ZCCHC7: variants seen among roughly 807,000 people sequenced by gnomAD.
ZCCHC7 encodes zinc finger CCHC domain-containing protein 7.
ZCCHC7 carries 35 observed loss-of-function variants against 52.0 expected under a neutral mutation model. The observed-to-expected ratio is 0.67, with a 90% CI of 0.51 to 0.89. The LOEUF (loss-of-function observed/expected upper bound fraction) is 0.89. Ranked by LOEUF, ZCCHC7 falls within the 40% of genes least tolerant of loss-of-function variation. ZCCHC7 has a pLI of 0.00. For synonymous variants in ZCCHC7, 217 were observed against 221.5 expected (o/e 0.98, Z 0.18); for missense variants, 574 against 649.1 (o/e 0.88, Z 1.26).
intron 2 of ZCCHC7, among the ~76,000 whole-genome samples, chr9:37,203,615 T>C (rs1417424104): frequency 6.6e-6 from 1 of 152,230 alleles, no homozygotes. Context: ...GCTTCATCCA[T>C]GTTCCTGCAG....
intron 2 of ZCCHC7, among the ~76,000 whole-genome samples, chr9:37,142,187 G>A (rs1442300368): frequency 1.3e-5 from 2 of 151,534 alleles, no homozygotes; most frequent in Non-Finnish European, 1.5e-5. Flanking sequence ...TCCTAATCAG[G>A]AAAAATGATG....
At chr9:37,159,169 A>G (rs1820964982) in intron 2 of ZCCHC7, among the ~76,000 whole-genome samples, 2 of 152,230 alleles carry the variant, frequency 1.3e-5, no homozygotes, top group Non-Finnish European at 1.5e-5. Flanking sequence ...ACAGATTTTC[A>G]GTTGCTGTTA....
At chr9:37,214,002 A>ATG (rs148278811) in intron 2 of ZCCHC7, among the ~76,000 whole-genome samples, 1,824 of 149,830 alleles carry the variant, frequency 0.012, 15 homozygotes, top group African/African-American at 0.021. Context: ...AATGGTGTGT[A>ATG]TGTGTGTGTG....
intron 2 of ZCCHC7, among the ~76,000 whole-genome samples, chr9:37,189,612 T>C (rs1822913305): frequency 6.6e-6 from 1 of 152,208 alleles, no homozygotes; most frequent in South Asian, 2.1e-4. Context: ...GGTCTCGAAC[T>C]CCTGACCTCA....
At chr9:37,162,788 C>G (rs1361300437) in intron 2 of ZCCHC7, among the ~76,000 whole-genome samples, 30 of 152,124 alleles carry the variant, frequency 2.0e-4, no homozygotes. Flanking sequence ...AACAACAGTT[C>G]CAGGCCAGGT....
chr9:37,140,530 A>C (rs938601850), intron 2 of ZCCHC7, among the ~76,000 whole-genome samples: 5 of 151,988 alleles, frequency 3.3e-5, no homozygotes, highest in Non-Finnish European at 7.4e-5. Flanking sequence ...AGTGGTAGAG[A>C]TCCATCAGGT....
At chr9:37,154,902 T>C (rs1488329815) in intron 2 of ZCCHC7, among the ~76,000 whole-genome samples, 1 of 152,216 alleles carries the variant, frequency 6.6e-6, no homozygotes, top group African/African-American at 2.4e-5. Flanking sequence ...CTTCTTCAGA[T>C]TTTTATTAAA....
intron 2 of ZCCHC7, among the ~76,000 whole-genome samples, chr9:37,256,181 A>T (rs764306105): frequency 6.6e-6 from 1 of 152,154 alleles, no homozygotes; most frequent in Non-Finnish European, 1.5e-5. Context: ...AAATTATGAT[A>T]GGTCATGGAT....
chr9:37,228,048 C>T (rs1008550946), intron 2 of ZCCHC7, among the ~76,000 whole-genome samples: 10 of 152,150 alleles, frequency 6.6e-5, no homozygotes, highest in African/African-American at 2.2e-4. Flanking sequence ...CCACCTGCGT[C>T]GGACTCTCAA....
chr9:37,265,311 G>T (rs988262715), intron 2 of ZCCHC7, among the ~76,000 whole-genome samples: 14 of 152,104 alleles, frequency 9.2e-5, no homozygotes, highest in Non-Finnish European at 1.9e-4. Context: ...AGGATGAAAG[G>T]TATTCTTTAC....
Position 37,146,682 on chromosome 9 carries a change from A to C in ZCCHC7, c.610+19740A>C, listed in dbSNP as rs1225188130. 2.6e-5 allele frequency among the ~76,000 whole-genome samples: 4 copies of C among 151,884 alleles called. No individual in the cohort carries two copies. The East Asian group carries it at 7.7e-4, about 29-fold the overall frequency. On this transcript the variant is annotated intron_variant, in intron 2 of 8. Coordinates refer to ENST00000336755, the MANE Select transcript of ZCCHC7 (RefSeq NM_032226.3). ...GAGAATAATGCAGTTTTTGCTGCTC[A>C]ACATTTTCTCAAGCTCTTTGGAAAA...
intron 2 of ZCCHC7, among the ~76,000 whole-genome samples, chr9:37,301,604 A>G (rs1475322458): frequency 1.3e-5 from 2 of 152,180 alleles, no homozygotes; most frequent in African/African-American, 4.8e-5. Context: ...TGTCTCCAAA[A>G]AAAACAAGAA....
chr9:37,273,918 A>G (rs1348756918), intron 2 of ZCCHC7, among the ~76,000 whole-genome samples: 1 of 152,056 alleles, frequency 6.6e-6, no homozygotes. Flanking sequence ...TTTCCTCCCA[A>G]CCTGTGGCTT....
intron 2 of ZCCHC7, among the ~76,000 whole-genome samples, chr9:37,290,174 T>A (rs1026458683): frequency 6.6e-6 from 1 of 152,246 alleles, no homozygotes; most frequent in East Asian, 1.9e-4. Flanking sequence ...CATTGATATG[T>A]ATATCCCAAG....
chr9:37,272,358 T>C lies in ZCCHC7; in HGVS notation c.611-29830T>C, dbSNP rs541096981. On this transcript the variant is annotated intron_variant, in intron 2 of 8. Coordinates refer to ENST00000336755, the MANE Select transcript of ZCCHC7 (RefSeq NM_032226.3). ...TAAAGTGTGTTGAATTTAATGTTTA[T>C]TATTCCTATGAGTTGGGGAATTGGT... Among the ~76,000 whole-genome samples, 6 of 152,268 alleles carry C rather than the reference T, an allele frequency of 3.9e-5. No individual in the cohort carries two copies. In the South Asian group the frequency reaches 1.0e-3, roughly 26 times the overall value.
intron 5 of ZCCHC7, among the ~76,000 whole-genome samples, chr9:37,326,766 A>C (rs997041636): frequency 6.6e-6 from 1 of 152,064 alleles, no homozygotes; most frequent in African/African-American, 2.4e-5. Flanking sequence ...ATGACAAATC[A>C]AGTAAAGAGT....
At chr9:37,299,320 C>T (rs1052717927) in intron 2 of ZCCHC7, among the ~76,000 whole-genome samples, 24 of 152,122 alleles carry the variant, frequency 1.6e-4, no homozygotes, top group African/African-American at 5.6e-4. Context: ...AATTACACAA[C>T]GTGACAATGT....
rs559918955 is a variant in ZCCHC7, at chr9:37,141,648, G to C, written c.610+14706G>C. Among the ~76,000 whole-genome samples the C allele has an allele frequency of 9.2e-5, 14 of 151,954 alleles. No individual in the cohort carries two copies. In the South Asian group the frequency reaches 2.1e-3, roughly 23 times the overall value. On this transcript the variant is annotated intron_variant, in intron 2 of 8. Coordinates refer to ENST00000336755, the MANE Select transcript of ZCCHC7 (RefSeq NM_032226.3). The stretch of plus-strand genomic sequence containing the variant: ...ATACTAATTAACAGTAAGTGGTACT[G>C]TTATAAATCTTTAATTTAAATATTA...
chr9:37,309,421 G>A (rs1327779511), intron 5 of ZCCHC7, among the ~76,000 whole-genome samples: 2 of 152,204 alleles, frequency 1.3e-5, no homozygotes, highest in Non-Finnish European at 1.5e-5. Flanking sequence ...TGAATCTTAA[G>A]AGATGATATC....
Sources: allele counts gnomAD v4.1 joint callset (sites outside exome capture counted in the v4.1 genomes callset), GRCh38; gene constraint gnomAD v4.1.1; transcripts MANE v1.5; gene names NCBI Gene and HGNC (gene_info 2026-07-23, HGNC 2026-07-21).